The following EPHA5 variants were observed in gnomAD, a reference collection of about 807,000 sequenced individuals.
The protein encoded by EPHA5 is ephrin type-A receptor 5.
Under a neutral mutation model 105.0 loss-of-function variants are expected in EPHA5, and 60 were observed. That is an observed-to-expected ratio of 0.57 (90% CI 0.46 to 0.71). EPHA5 has a LOEUF of 0.71. Among genes scored for constraint, EPHA5 ranks in the 30% least tolerant of loss-of-function variants. The pLI is 0.00. For synonymous variants in EPHA5, 513 were observed against 449.1 expected (o/e 1.14, Z -1.80); for missense variants, 1,218 against 1,274.7 (o/e 0.96, Z 0.68).
chr4:65,620,362 T>C (rs1745609831), intron 2 of EPHA5, among the ~76,000 whole-genome samples: 1 of 152,036 alleles, frequency 6.6e-6, no homozygotes, highest in East Asian at 1.9e-4. Context: ...CTGTTTCTAT[T>C]TGATGAGTCT....
intron 6 of EPHA5, among the ~76,000 whole-genome samples, chr4:65,417,928 G>A (rs886304882): frequency 3.3e-5 from 5 of 151,840 alleles, no homozygotes; most frequent in Non-Finnish European, 7.4e-5. Flanking sequence ...AAATATCAAA[G>A]GTTATTCATA....
At chr4:65,655,211 G>A (rs1365344134) in intron 1 of EPHA5, among the ~76,000 whole-genome samples, 1 of 151,904 alleles carries the variant, frequency 6.6e-6, no homozygotes, top group Admixed American at 6.6e-5. Flanking sequence ...TGAGTCATAT[G>A]TTAAGTGATA....
In EPHA5 at chr4:65,324,182, G is replaced by GTC; in HGVS notation, c.2982_2983insGA (p.Gln995AspfsTer6). ...TGAAGGCTGTTCATGATCTTCTTCT[G>GTC]GTGACCGACAAGAGTCACTCCAAGC... On this transcript the variant is annotated frameshift_variant, in exon 17 of 17. Transcript: ENST00000613740. LOFTEE classifies it high-confidence loss of function. 1.2e-6 allele frequency: 2 copies of GTC among 1,609,344 alleles called. No individual in the cohort carries two copies. The highest frequency in any genetic ancestry group is 1.7e-6 in the Non-Finnish European group (2 of 1,176,964).
chr4:65,414,290 G>A lies in EPHA5; in HGVS notation c.1681C>T (p.Pro561Ser), dbSNP rs1578059649. The change falls in exon 7 of 17, where the codon CCA (proline) becomes TCA (serine). Residue 561 changes from proline (P) to serine (S), a missense_variant. Transcript: ENST00000613740. ...AGTAATTAAAATGACTTACACACTG[G>A]GGTGGTTTCAAACTCAAATCTTCGA... Reference protein sequence around the residue: ...FSRRFEFETTPVSVAASSDQS... With the variant: ...FSRRFEFETTSVSVAASSDQS... The A allele has an allele frequency of 6.2e-7, 1 of 1,613,590 alleles. No homozygotes were observed. The highest frequency in any genetic ancestry group is 1.3e-5 in the African/African-American group (1 of 74,978).
chr4:65,403,334 C>T (rs1181968776), intron 8 of EPHA5, among the ~76,000 whole-genome samples: 6 of 151,800 alleles, frequency 4.0e-5, no homozygotes, highest in Middle Eastern at 3.2e-3. Flanking sequence ...ATGAGTAGAA[C>T]GGTAACAAAA....
At chr4:65,592,090 G>T (rs1351629857) in intron 3 of EPHA5, among the ~76,000 whole-genome samples, 2 of 152,022 alleles carry the variant, frequency 1.3e-5, no homozygotes, top group African/African-American at 4.8e-5. Flanking sequence ...GAATTCGTGA[G>T]TTTTCAGAAG....
chr4:65,553,299 A>T (rs1442406183), intron 3 of EPHA5, among the ~76,000 whole-genome samples: 1 of 152,112 alleles, frequency 6.6e-6, no homozygotes. Context: ...TTGCCTTCAA[A>T]GTCCTGTTCA....
At chr4:65,512,493 G>A (rs1578297933) in intron 3 of EPHA5, among the ~76,000 whole-genome samples, 1 of 151,990 alleles carries the variant, frequency 6.6e-6, no homozygotes, top group Non-Finnish European at 1.5e-5. Flanking sequence ...CATACTTTTG[G>A]TGCTGTTTTT....
intron 1 of EPHA5, among the ~76,000 whole-genome samples, chr4:65,651,471 T>C (rs924918643): frequency 3.9e-5 from 6 of 152,208 alleles, no homozygotes; most frequent in Non-Finnish European, 8.8e-5. Flanking sequence ...ATGATGTTAA[T>C]ACTTCCAAAA....
intron 8 of EPHA5, among the ~76,000 whole-genome samples, chr4:65,396,132 C>T (rs759541650): frequency 3.2e-4 from 48 of 152,284 alleles, no homozygotes; most frequent in Middle Eastern, 3.4e-3. Context: ...CCTGGCCTCT[C>T]GCTGCTACTG....
intron 3 of EPHA5, among the ~76,000 whole-genome samples, chr4:65,577,591 T>G (rs1741190573): frequency 6.6e-6 from 1 of 152,298 alleles, no homozygotes; most frequent in East Asian, 1.9e-4. Context: ...ATTTACTTAT[T>G]ATTCCTTAGT....
intron 3 of EPHA5, among the ~76,000 whole-genome samples, chr4:65,589,733 C>T (rs1742454946): frequency 6.6e-6 from 1 of 152,058 alleles, no homozygotes; most frequent in African/African-American, 2.4e-5. Flanking sequence ...AAGCTTTTAG[C>T]ATTGGAAAAT....
chr4:65,449,925 T>C (rs1411861945), intron 5 of EPHA5, among the ~76,000 whole-genome samples: 2 of 152,038 alleles, frequency 1.3e-5, no homozygotes, highest in Middle Eastern at 3.2e-3. Flanking sequence ...TCTGTCTACA[T>C]CTTGATTTTG....
intron 2 of EPHA5, among the ~76,000 whole-genome samples, chr4:65,619,187 A>C (rs1745499884): frequency 6.6e-6 from 1 of 152,114 alleles, no homozygotes; most frequent in African/African-American, 2.4e-5. Context: ...AATCAGCTGG[A>C]TGTTTACATT....
intron 1 of EPHA5, among the ~76,000 whole-genome samples, chr4:65,644,926 G>A (rs1323826113): frequency 5.3e-5 from 8 of 151,652 alleles, no homozygotes; most frequent in Non-Finnish European, 1.5e-5. Context: ...CTATACAAAT[G>A]CATGCAATAT....
At chr4:65,432,369 C>A (rs1578104797) in intron 5 of EPHA5, among the ~76,000 whole-genome samples, 2 of 152,152 alleles carry the variant, frequency 1.3e-5, no homozygotes, top group South Asian at 4.1e-4. Context: ...GAGTAACCTG[C>A]GCTCCAATAA....
chr4:65,418,319 A>G (rs1235092280), intron 6 of EPHA5, among the ~76,000 whole-genome samples: 2 of 152,162 alleles, frequency 1.3e-5, no homozygotes, highest in African/African-American at 2.4e-5. Flanking sequence ...TTGTTTTTTG[A>G]TATAGCCTAT....
intron 13 of EPHA5, among the ~76,000 whole-genome samples, chr4:65,349,758 G>T (rs529213461): frequency 6.6e-6 from 1 of 152,036 alleles, no homozygotes; most frequent in Non-Finnish European, 1.5e-5. Context: ...ATTCTCATTC[G>T]TTAAATATTC....
At chr4:65,459,107 C>T (rs1272257674) in intron 5 of EPHA5, among the ~76,000 whole-genome samples, 1 of 151,986 alleles carries the variant, frequency 6.6e-6, no homozygotes, top group Non-Finnish European at 1.5e-5. Context: ...TGTTTCTTTC[C>T]TCTGAAGTTT....
Sources: allele counts gnomAD v4.1 joint callset (sites outside exome capture counted in the v4.1 genomes callset), GRCh38; gene constraint gnomAD v4.1.1; transcripts MANE v1.5; gene names NCBI Gene and HGNC (gene_info 2026-07-23, HGNC 2026-07-21).